The following TRDN variants were observed in gnomAD, a reference collection of about 807,000 sequenced individuals.
The protein encoded by TRDN is triadin.
TRDN carries 161 observed loss-of-function variants against 149.7 expected under a neutral mutation model. The observed-to-expected ratio is 1.08, with a 90% CI of 0.95 to 1.23. TRDN has a LOEUF of 1.23. TRDN is among the 50% of genes most tolerant of loss of function. The pLI is 0.00. For synonymous variants in TRDN, 294 were observed against 250.5 expected (o/e 1.17, Z -1.64); for missense variants, 896 against 823.5 (o/e 1.09, Z -1.08).
intron 3 of TRDN, 66 bp from the exon 4 acceptor site, chr6:123,547,438 T>C (rs1781169695): frequency 1.1e-6 from 1 of 901,422 alleles, no homozygotes; most frequent in African/African-American, 1.8e-5. Context: ...ATGACATCAT[T>C]ATTTTCCCCT....
chr6:123,376,463 C>T (rs1277831158), intron 18 of TRDN, among the ~76,000 whole-genome samples: 1 of 152,078 alleles, frequency 6.6e-6, no homozygotes, highest in Non-Finnish European at 1.5e-5. Context: ...TCTTCCTTCA[C>T]TCAATAAGCC....
At chr6:123,465,602 A>C (rs903802781) in intron 9 of TRDN, among the ~76,000 whole-genome samples, 1 of 140,540 alleles carries the variant, frequency 7.1e-6, no homozygotes, top group African/African-American at 3.0e-5. Context: ...AAAAAAAAAA[A>C]AAGAGAGAGA....
chr6:123,458,617 C>T (rs1056246178), intron 10 of TRDN, among the ~76,000 whole-genome samples: 4 of 152,156 alleles, frequency 2.6e-5, no homozygotes, highest in Non-Finnish European at 5.9e-5. Context: ...ATAATATTTT[C>T]TCAATAAATA....
intron 21 of TRDN, chr6:123,351,984 G>C: frequency 1.0e-6 from 1 of 974,432 alleles, no homozygotes; most frequent in Non-Finnish European, 1.2e-6. Flanking sequence ...CAAATAAAAT[G>C]CATTAACTAT....
At chr6:123,450,071 CTA>C (rs1775675776) in intron 10 of TRDN, among the ~76,000 whole-genome samples, 1 of 152,180 alleles carries the variant, frequency 6.6e-6, no homozygotes, top group Admixed American at 6.5e-5. Flanking sequence ...AAAAGGAGCT[CTA>C]AATCTTGAAA....
At chr6:123,580,544 C>T (rs950540012) in intron 1 of TRDN, among the ~76,000 whole-genome samples, 5 of 152,126 alleles carry the variant, frequency 3.3e-5, no homozygotes, top group African/African-American at 1.2e-4. Flanking sequence ...CAGGGAAAAC[C>T]TCTTGCCTTC....
At chr6:123,480,361 A>G (rs1002012946) in intron 9 of TRDN, among the ~76,000 whole-genome samples, 19 of 152,044 alleles carry the variant, frequency 1.2e-4, no homozygotes, top group South Asian at 1.2e-3. Flanking sequence ...TTCACCTCTC[A>G]CATGTTAACA....
At chr6:123,357,704 A>T (rs1243182273) in intron 20 of TRDN, among the ~76,000 whole-genome samples, 6 of 152,194 alleles carry the variant, frequency 3.9e-5, no homozygotes, top group African/African-American at 1.4e-4. Flanking sequence ...AATAATCATT[A>T]TAAGTATGTT....
At chr6:123,402,393 C>T (rs192735458) in intron 12 of TRDN, among the ~76,000 whole-genome samples, 176 of 152,324 alleles carry the variant, frequency 1.2e-3, no homozygotes, top group African/African-American at 3.9e-3. Context: ...GCACACTGTC[C>T]ACCTGAGCAG....
chr6:123,543,783 G>T (rs1562377097), intron 4 of TRDN, among the ~76,000 whole-genome samples: 1 of 152,026 alleles, frequency 6.6e-6, no homozygotes, highest in South Asian at 2.1e-4. Context: ...AATATTTTTA[G>T]ATGTCATTAT....
At chr6:123,493,630 T>C (rs1778313881) in intron 9 of TRDN, among the ~76,000 whole-genome samples, 1 of 152,190 alleles carries the variant, frequency 6.6e-6, no homozygotes, top group Admixed American at 6.5e-5. Flanking sequence ...AAAAACTCAT[T>C]ACCAATAATT....
intron 1 of TRDN, among the ~76,000 whole-genome samples, chr6:123,626,793 A>G (rs1395569820): frequency 6.6e-6 from 1 of 151,992 alleles, no homozygotes; most frequent in South Asian, 2.1e-4. Context: ...TATATTTTTT[A>G]ATGGCATCTA....
At chr6:123,489,352 T>C (rs888719011) in intron 9 of TRDN, among the ~76,000 whole-genome samples, 2 of 152,018 alleles carry the variant, frequency 1.3e-5, no homozygotes, top group African/African-American at 4.8e-5. Flanking sequence ...ATTTAAATCT[T>C]GGCTTGCGTG....
At chr6:123,285,181 GA>G (rs560543527) in intron 24 of TRDN, among the ~76,000 whole-genome samples, 1 of 150,528 alleles carries the variant, frequency 6.6e-6, no homozygotes, top group Non-Finnish European at 1.5e-5. Context: ...CACAGAACTA[GA>G]AAAAAAAATC....
intron 1 of TRDN, among the ~76,000 whole-genome samples, chr6:123,597,132 G>C (rs1270165376): frequency 6.6e-6 from 1 of 152,066 alleles, no homozygotes; most frequent in Non-Finnish European, 1.5e-5. Context: ...TTCAAAGTAG[G>C]AGGTCAAAAT....
At chr6:123,406,844 T>C (rs1178500060) in intron 12 of TRDN, among the ~76,000 whole-genome samples, 1 of 152,172 alleles carries the variant, frequency 6.6e-6, no homozygotes, top group Non-Finnish European at 1.5e-5. Flanking sequence ...GTTTACTGAT[T>C]CAAAAACAAA....
At chr6:123,514,356 A>G (rs1254436451) in intron 6 of TRDN, among the ~76,000 whole-genome samples, 1 of 152,174 alleles carries the variant, frequency 6.6e-6, no homozygotes, top group Non-Finnish European at 1.5e-5. Flanking sequence ...CTCTGTCTCA[A>G]AACAAAAAAA....
intron 12 of TRDN, among the ~76,000 whole-genome samples, chr6:123,433,393 C>T (rs1232376136): frequency 1.3e-5 from 2 of 151,758 alleles, no homozygotes; most frequent in African/African-American, 4.8e-5. Context: ...TGTCTTTATT[C>T]ACTGTGTGCC....
intron 10 of TRDN, among the ~76,000 whole-genome samples, chr6:123,451,836 T>C (rs939881712): frequency 7.2e-5 from 11 of 152,074 alleles, no homozygotes; most frequent in Admixed American, 5.9e-4. Flanking sequence ...AACATAAATG[T>C]TAAAATCCTT....
Sources: gnomAD v4.1 joint callset for allele counts (sites outside exome capture counted in the v4.1 genomes callset) on GRCh38, gnomAD v4.1.1 for gene constraint, MANE v1.5 for transcripts, NCBI Gene and HGNC (gene_info 2026-07-23, HGNC 2026-07-21) for gene names.